Variants in ZNF578 observed in about 807,000 individuals in gnomAD.
The protein encoded by ZNF578 is Putative chemokine-related protein B42.
In ZNF578, 8 loss-of-function variants were observed where a neutral mutation model predicts 8.3. That is an observed-to-expected ratio of 0.96 (90% CI 0.56 to 1.74). ZNF578 has a LOEUF of 1.74. ZNF578 is among the 40% of genes most tolerant of loss of function. The pLI, the probability that ZNF578 is intolerant of heterozygous loss-of-function variation, is 0.00. For missense variants in ZNF578, 726 were observed against 707.5 expected, an observed-to-expected ratio of 1.03 and a Z score of -0.30; for synonymous variants, 206 against 232.2, an observed-to-expected ratio of 0.89 and a Z score of 1.03.
chr19:52,491,352 G>C lies in ZNF578; in HGVS notation c.-93G>C, dbSNP rs1318072602. 4.0e-6 allele frequency: 1 copy of C among 251,134 alleles called. No individual in the cohort carries two copies. The highest frequency in any genetic ancestry group is 8.1e-6 in the Non-Finnish European group (1 of 123,408). 15.6% of individuals were successfully genotyped at this position (251,134 alleles called of 1,614,324 possible). A position where few individuals can be genotyped will look rare whatever the true frequency, so the allele number is the denominator to read the frequency against. ...TCTCTTCCAAATGCATGATGAAAAA[G>C]GTGGGAAGATTACTTGAGCCAGGGA... On this transcript the variant is annotated 5_prime_UTR_variant, in exon 3 of 6. Coordinates refer to ENST00000421239, the MANE Select transcript of ZNF578 (RefSeq NM_001099694.2).
chr19:52,470,094 C>T (rs1477281009), intron 2 of ZNF578, among the ~76,000 whole-genome samples: 2 of 152,164 alleles, frequency 1.3e-5, no homozygotes, highest in Non-Finnish European at 2.9e-5. Context: ...AAAATGGCCT[C>T]CCTACCCCTC....
chr19:52,511,941 T>G lies in ZNF578; in HGVS notation c.1560T>G (p.Phe520Leu). 2 of 1,614,010 alleles carry G rather than the reference T, an allele frequency of 1.2e-6. No homozygotes were observed. The highest frequency in any genetic ancestry group is 1.7e-6 in the Non-Finnish European group (2 of 1,179,978). The change falls in exon 6 of 6, where the codon TTT becomes TTG. Residue 520 changes from phenylalanine to leucine, a missense_variant. Physicochemically the swap from Phe to Leu is conservative, Grantham distance 22 (BLOSUM62 0). Transcript: ENST00000421239. ...AGTGTAATGAATGTGGGAAGACTTT[T>G]AATGTACAGTCACACCTTTCACGTC... is the stretch of plus-strand genomic sequence containing the variant. ...PYKCNECGKT[F>L]NVQSHLSRHH...
At chr19:52,505,842 G>A (rs1414144581) in intron 5 of ZNF578, among the ~76,000 whole-genome samples, 1 of 151,984 alleles carries the variant, frequency 6.6e-6, no homozygotes, top group Non-Finnish European at 1.5e-5. Context: ...AGGTTTCCAT[G>A]GTTTAGTTCT....
chr19:52,475,086 G>T, intron 2 of ZNF578: 1 of 186,272 alleles, frequency 5.4e-6, no homozygotes. Flanking sequence ...TGAATTCTGT[G>T]ATGTTGTACA....
At position 52,515,149 on chromosome 19, in the gene ZNF578, G is replaced by T. The variant is rs1368384038; in HGVS notation, c.*2995G>T. ...CGGCTCATTTTTTGCATTTTTAGTA[G>T]AGACAGGGTTTCATCATGTTGGCAG... is the stretch of plus-strand genomic sequence containing the variant. On this transcript the variant is annotated 3_prime_UTR_variant, in exon 6 of 6. Transcript: ENST00000421239. 6.6e-6 allele frequency among the ~76,000 whole-genome samples: 1 copy of T among 151,750 alleles called. No homozygotes were observed. Among genetic ancestry groups the T allele is most frequent in the East Asian group, 1.9e-4 (1 of 5,140 alleles).
intron 3 of ZNF578, among the ~76,000 whole-genome samples, chr19:52,501,362 C>T (rs966308628): frequency 7.2e-5 from 11 of 152,308 alleles, no homozygotes; most frequent in Middle Eastern, 6.8e-3. Context: ...GCCGCTTTAG[C>T]AGGGATTCTT....
Position 52,469,167 on chromosome 19 carries a change from G to GTT in ZNF578, c.-122+12221_-122+12222dup, listed in dbSNP as rs3054902. Among the ~76,000 whole-genome samples the GTT allele has an allele frequency of 1.9e-3, 243 of 130,580 alleles. 8 individuals are homozygous for GTT. Among genetic ancestry groups the GTT allele is most frequent in the Non-Finnish European group, 1.9e-3 (124 of 64,202 alleles). 85.7% of individuals were successfully genotyped at this position (130,580 alleles called of 152,430 possible). ...TTGGTACCTGGAGTGGTTTTTTTTTGTTTTTTTTTTTTTGACAGGGTCTCA... is the reference window on the plus strand; with the variant it reads ...TTGGTACCTGGAGTGGTTTTTTTTTGTTTTTTTTTTTTTTTGACAGGGTCTCA... On this transcript the variant is annotated intron_variant, in intron 2 of 5. Coordinates refer to ENST00000421239, the MANE Select transcript of ZNF578 (RefSeq NM_001099694.2).
intron 2 of ZNF578, among the ~76,000 whole-genome samples, chr19:52,469,542 A>G (rs886779992): frequency 1.3e-5 from 2 of 152,136 alleles, no homozygotes; most frequent in Non-Finnish European, 2.9e-5. Flanking sequence ...ATTACAACTA[A>G]AAATGCTAAG....
At chr19:52,471,785 T>C (rs1020856140) in intron 2 of ZNF578, among the ~76,000 whole-genome samples, 1 of 152,156 alleles carries the variant, frequency 6.6e-6, no homozygotes, top group Non-Finnish European at 1.5e-5. Context: ...TTTAGACAAG[T>C]TCCAGTACAG....
Position 52,511,612 on chromosome 19 carries a change from C to A in ZNF578, c.1231C>A (p.Gln411Lys), listed in dbSNP as rs750283641. The A allele has an allele frequency of 3.7e-6, 6 of 1,612,862 alleles. No individual in the cohort carries two copies. In the East Asian group the frequency reaches 1.1e-4, roughly 30 times the overall value. ...CNECGKAFNQ[Q>K]SHLSRHHRLH... ...TGAATGTGGCAAGGCTTTTAATCAA[C>A]AATCACACCTTTCACGTCATCATAG... The change falls in exon 6 of 6, where the codon CAA becomes AAA. Residue 411 changes from glutamine (Q) to lysine (K), a missense_variant. By Grantham distance (53) the Gln-to-Lys change is moderately conservative. Coordinates refer to ENST00000421239, the MANE Select transcript of ZNF578 (RefSeq NM_001099694.2).
chr19:52,512,028 G>A lies in ZNF578; in HGVS notation c.1647G>A (p.Met549Ile), dbSNP rs1362013176. ...GTAAGGTTTGTGACAAGGCTTTCATGTGCCATTCTTATCTGGCAAACCATA... is the reference window on the plus strand; with the variant it reads ...GTAAGGTTTGTGACAAGGCTTTCATATGCCATTCTTATCTGGCAAACCATA... ...YKCKVCDKAF[M>I]CHSYLANHTR... The change falls in exon 6 of 6, where the codon ATG becomes ATA. Residue 549 changes from methionine to isoleucine, a missense_variant. Transcript: ENST00000421239. 5.6e-6 allele frequency: 9 copies of A among 1,613,094 alleles called. 1 individual carries two copies. The Admixed American group carries it at 8.3e-5, about 15-fold the overall frequency.
intron 2 of ZNF578, chr19:52,474,400 T>A: frequency 3.4e-6 from 1 of 296,352 alleles, no homozygotes; most frequent in South Asian, 3.3e-5. Context: ...ATTCATTACA[T>A]TTGTAAGGTT....
At chr19:52,508,293 G>A (rs988786491) in intron 5 of ZNF578, among the ~76,000 whole-genome samples, 2 of 151,350 alleles carry the variant, frequency 1.3e-5, no homozygotes, top group South Asian at 2.1e-4. Context: ...GCAGTGAGCC[G>A]AGACTGTACC....
chr19:52,502,319 T>C (rs2059410807), intron 4 of ZNF578, among the ~76,000 whole-genome samples: 1 of 152,212 alleles, frequency 6.6e-6, no homozygotes, highest in Non-Finnish European at 1.5e-5. Flanking sequence ...CCCAGGTATG[T>C]GGCAAATTCT....
At chr19:52,492,271 C>G (rs1217235472) in intron 3 of ZNF578, among the ~76,000 whole-genome samples, 1 of 151,148 alleles carries the variant, frequency 6.6e-6, no homozygotes, top group South Asian at 2.1e-4. Flanking sequence ...CCAGGTTCAG[C>G]GATTCTCTGG....
rs2059447439 is a variant in ZNF578 at position 52,511,625 on chromosome 19, C to G, written c.1244C>G (p.Ser415Ter). Residue 415 changes from serine (S) to a stop codon, truncating the protein, a stop_gained, in exon 6 of 6, where the codon TCA becomes TGA. Transcript: ENST00000421239. LOFTEE classifies it low-confidence loss of function (END_TRUNC). Reference protein sequence around the residue: ...GKAFNQQSHLSRHHRLHTGEK... With the variant: ...GKAFNQQSHL ...GCTTTTAATCAACAATCACACCTTT[C>G]ACGTCATCATAGACTTCATACTGGA... 3 of 1,613,204 alleles carry G rather than the reference C, an allele frequency of 1.9e-6. No individual in the cohort carries two copies. Among genetic ancestry groups the G allele is most frequent in the Non-Finnish European group, 8.5e-7 (1 of 1,179,146 alleles).
intron 2 of ZNF578, among the ~76,000 whole-genome samples, chr19:52,478,271 C>T (rs1420699510): frequency 6.6e-6 from 1 of 152,208 alleles, no homozygotes; most frequent in Non-Finnish European, 1.5e-5. Flanking sequence ...TTATTAAGTA[C>T]ACTAGCTCTT....
At position 52,516,106 on chromosome 19, in the gene ZNF578, TTCCTGTCTCAG is replaced by T. The variant is rs11275761; in HGVS notation, c.*3953_*3963del. On this transcript the variant is annotated 3_prime_UTR_variant, in exon 6 of 6. Coordinates refer to ENST00000421239, the MANE Select transcript of ZNF578 (RefSeq NM_001099694.2). ...TCTCTTTTCCCAAACATCAAAACCC[TTCCTGTCTCAG>T]GTCATTGTCCCTGCTCTTACCCTAT... is the stretch of plus-strand genomic sequence containing the variant. Among the ~76,000 whole-genome samples, 32,436 of 151,788 alleles carry T rather than the reference TTCCTGTCTCAG, an allele frequency of 0.21. 3,943 individuals carry two copies. Among genetic ancestry groups the T allele is most frequent in the East Asian group, 0.48 (2,444 of 5,104 alleles).
intron 2 of ZNF578, among the ~76,000 whole-genome samples, chr19:52,467,570 A>T (rs746971455): frequency 6.6e-6 from 1 of 152,150 alleles, no homozygotes; most frequent in Non-Finnish European, 1.5e-5. Flanking sequence ...GAGCATGATC[A>T]AACCACTGCA....
Sources: allele counts gnomAD v4.1 joint callset (sites outside exome capture counted in the v4.1 genomes callset), GRCh38; gene constraint gnomAD v4.1.1; transcripts MANE v1.5; gene names NCBI Gene and HGNC (gene_info 2026-07-23, HGNC 2026-07-21).